CFAP20DC: variants seen among roughly 807,000 people sequenced by gnomAD.
CFAP20DC encodes CFAP20 domain containing, also known as protein CFAP20DC.
A neutral mutation model predicts 101.7 loss-of-function variants in CFAP20DC; 84 were observed. The observed-to-expected ratio is 0.83, with a 90% CI of 0.69 to 0.99. CFAP20DC has a LOEUF of 0.99. CFAP20DC is among the 50% of genes least tolerant of loss of function. CFAP20DC has a pLI of 0.00. For synonymous variants in CFAP20DC, 359 were observed against 351.2 expected, an observed-to-expected ratio of 1.02 and a Z score of -0.25; for missense variants, 1,007 against 970.3, an observed-to-expected ratio of 1.04 and a Z score of -0.50.
chr3:58,993,790 C>T (rs1576628952), intron 4 of CFAP20DC, among the ~76,000 whole-genome samples: 1 of 152,258 alleles, frequency 6.6e-6, no homozygotes, highest in African/African-American at 2.4e-5. Flanking sequence ...GCATAGTATT[C>T]CATGGTGTAT....
chr3:58,830,540 T>C (rs1159958853), intron 14 of CFAP20DC, among the ~76,000 whole-genome samples: 1 of 152,146 alleles, frequency 6.6e-6, no homozygotes, highest in East Asian at 1.9e-4. Flanking sequence ...GTTGGAGACC[T>C]GGAAAAAACT....
rs182860645 is a variant in CFAP20DC at position 58,835,982 on chromosome 3, G to A, written c.1972-4093C>T. ...TCAAAATATCCTTGTAGGAAAGAGG[G>A]GAGACATTATCAATCAGATTTGTCC... On this transcript the variant is annotated intron_variant, in intron 13 of 16. Transcript: ENST00000482387. Among the ~76,000 whole-genome samples the A allele has an allele frequency of 2.6e-5, 4 of 152,254 alleles. No homozygotes were observed. In the East Asian group the frequency reaches 7.7e-4, roughly 29 times the overall value.
chr3:58,832,427 T>G (rs1279864064), intron 13 of CFAP20DC, among the ~76,000 whole-genome samples: 1 of 152,186 alleles, frequency 6.6e-6, no homozygotes, highest in Non-Finnish European at 1.5e-5. Flanking sequence ...GCCCAACCAG[T>G]TTTTGTAGAT....
intron 13 of CFAP20DC, 123 bp from the exon 14 acceptor site, chr3:58,832,012 T>C: frequency 4.0e-6 from 3 of 741,586 alleles, no homozygotes; most frequent in Middle Eastern, 3.1e-4. Flanking sequence ...ATCCCTAACA[T>C]GCCTCCATGC....
chr3:58,820,339 G>C (rs368190362), intron 14 of CFAP20DC, among the ~76,000 whole-genome samples: 2,978 of 149,980 alleles, frequency 0.02, 60 homozygotes, highest in African/African-American at 0.04. Flanking sequence ...ATTAGGAAAA[G>C]AGGAAGTCAA....
chr3:58,923,580 A>G (rs1273563751), intron 5 of CFAP20DC, among the ~76,000 whole-genome samples: 2 of 152,166 alleles, frequency 1.3e-5, no homozygotes, highest in African/African-American at 2.4e-5. Flanking sequence ...GAAGTTTATG[A>G]TGGGAAGTTG....
At chr3:58,838,797 T>C (rs1401629945) in intron 13 of CFAP20DC, among the ~76,000 whole-genome samples, 1 of 152,210 alleles carries the variant, frequency 6.6e-6, no homozygotes, top group Non-Finnish European at 1.5e-5. Flanking sequence ...ACCTATCTTC[T>C]GAGTTCAGGG....
At chr3:58,906,599 A>G (rs982760708) in intron 6 of CFAP20DC, among the ~76,000 whole-genome samples, 2 of 151,906 alleles carry the variant, frequency 1.3e-5, no homozygotes, top group Non-Finnish European at 2.9e-5. Context: ...TCCTATTTTC[A>G]TTGTTGGGAA....
Position 58,912,072 on chromosome 3 carries a change from C to T in CFAP20DC, c.550+1636G>A, listed in dbSNP as rs2107369268. 6.6e-6 allele frequency among the ~76,000 whole-genome samples: 1 copy of T among 152,236 alleles called. No homozygotes were observed. The highest frequency in any genetic ancestry group is 2.4e-5 in the African/African-American group (1 of 41,546). On this transcript the variant is annotated intron_variant, in intron 6 of 16. Coordinates refer to ENST00000482387, the MANE Select transcript of CFAP20DC (RefSeq NM_001394063.1). The surrounding 1 kb of genome is among the most constrained non-coding windows in gnomAD (Gnocchi z 4.4). Reference sequence around the variant, plus strand: ...TATAAAATTTACAAACGTCTCTTGTCCGTTATTGTCTCCCCTCCCATATTC... The same window carrying T: ...TATAAAATTTACAAACGTCTCTTGTTCGTTATTGTCTCCCCTCCCATATTC...
intron 4 of CFAP20DC, among the ~76,000 whole-genome samples, chr3:59,010,004 T>C (rs2093543670): frequency 6.6e-6 from 1 of 152,034 alleles, no homozygotes; most frequent in African/African-American, 2.4e-5. Context: ...GACAAACAAA[T>C]GCTGAGAGAA....
At chr3:58,818,900 T>G (rs1156387524) in intron 14 of CFAP20DC, among the ~76,000 whole-genome samples, 2 of 142,872 alleles carry the variant, frequency 1.4e-5, no homozygotes, top group Non-Finnish European at 3.1e-5. Context: ...AGTAAAGCTC[T>G]CCTCAGCAAA....
intron 4 of CFAP20DC, among the ~76,000 whole-genome samples, chr3:58,977,483 A>G (rs2092326577): frequency 6.6e-6 from 1 of 152,204 alleles, no homozygotes; most frequent in African/African-American, 2.4e-5. Flanking sequence ...GACATTTTAG[A>G]AAACACTGAG....
intron 3 of CFAP20DC, among the ~76,000 whole-genome samples, chr3:58,720,903 C>T (rs545468780): frequency 1.3e-5 from 2 of 152,286 alleles, no homozygotes; most frequent in South Asian, 4.1e-4. Context: ...TTATTTGTTC[C>T]TATAACAAAG....
At chr3:58,733,344 T>TA (rs1176377571) in intron 3 of CFAP20DC, among the ~76,000 whole-genome samples, 1 of 150,288 alleles carries the variant, frequency 6.7e-6, no homozygotes, top group Non-Finnish European at 1.5e-5. Context: ...CCCTAAAACT[T>TA]AAAGTATAAT....
downstream of CFAP20DC, among the ~76,000 whole-genome samples, chr3:58,738,236 A>G (rs1353045836): frequency 2.0e-5 from 3 of 151,698 alleles, no homozygotes; most frequent in Non-Finnish European, 4.4e-5. The surrounding 1 kb of genome is among the most constrained non-coding windows in gnomAD (Gnocchi z 4.4). Context: ...CAGGTTTGTT[A>G]TGTAGGTAAA....
intron 5 of CFAP20DC, among the ~76,000 whole-genome samples, chr3:58,926,070 A>T (rs1233079111): frequency 6.6e-6 from 1 of 152,080 alleles, no homozygotes; most frequent in African/African-American, 2.4e-5. Flanking sequence ...AAAGATATTT[A>T]AAAATAATAT....
chr3:58,825,774 G>A (rs193262053), intron 14 of CFAP20DC, among the ~76,000 whole-genome samples: 21 of 152,282 alleles, frequency 1.4e-4, no homozygotes, highest in Non-Finnish European at 2.4e-4. Context: ...ATTGAATTTG[G>A]TTCTAAGTTA....
At chr3:58,756,748 T>G (rs2107298074) in intron 15 of CFAP20DC, among the ~76,000 whole-genome samples, 1 of 152,244 alleles carries the variant, frequency 6.6e-6, no homozygotes, top group African/African-American at 2.4e-5. Flanking sequence ...TGTGTTTCAT[T>G]TTGCAAAAAC....
intron 15 of CFAP20DC, among the ~76,000 whole-genome samples, chr3:58,805,726 T>C (rs764882449): frequency 6.6e-6 from 1 of 152,234 alleles, no homozygotes. Context: ...CTAGCTTATA[T>C]ACTTATTTAT....
Sources: gnomAD v4.1 joint callset for allele counts (sites outside exome capture counted in the v4.1 genomes callset) on GRCh38, gnomAD v4.1.1 for gene constraint, Gnocchi (gnomAD v3.1) non-coding constraint, MANE v1.5 for transcripts, NCBI Gene and HGNC (gene_info 2026-07-23, HGNC 2026-07-21) for gene names.